The following FOXK1 variants were observed in gnomAD, a reference collection of about 807,000 sequenced individuals.
The protein encoded by FOXK1 is forkhead box K1.
FOXK1 carries 19 observed loss-of-function variants against 51.9 expected under a neutral mutation model. The observed-to-expected ratio is 0.37, with a 90% CI of 0.26 to 0.54. The LOEUF is 0.54. FOXK1 is among the 20% of genes least tolerant of loss of function. The pLI is 0.87. For synonymous variants in FOXK1, 537 were observed against 482.6 expected, an observed-to-expected ratio of 1.11 and a Z score of -1.48; for missense variants, 870 against 1,032.7, an observed-to-expected ratio of 0.84 and a Z score of 2.16.
In FOXK1 at chr7:4,745,174, T is replaced by A. The variant is rs902067682; in HGVS notation, c.746+4151T>A. On this transcript the variant is annotated intron_variant, in intron 2 of 8. Coordinates refer to ENST00000328914, the MANE Select transcript of FOXK1 (RefSeq NM_001037165.2). This position sits in a 1 kb window ranked among gnomAD's most constrained non-coding sequence, Gnocchi z 4.3. ...CAGAAGAGCTGGCTGCCTGCAAGGC[T>A]GTCCCCTCCCAGTGCCGCCCCGCCC... Among the ~76,000 whole-genome samples the A allele has an allele frequency of 6.6e-6, 1 of 152,252 alleles. No homozygotes were observed. Among genetic ancestry groups the A allele is most frequent in the Non-Finnish European group, 1.5e-5 (1 of 68,046 alleles).
At position 4,771,018 on chromosome 7, in the gene FOXK1, G is replaced by A. The variant is rs1414068583; in HGVS notation, c.*8554G>A. The A allele has an allele frequency of 6.6e-6, 1 of 152,408 alleles. No homozygotes were observed. The highest frequency in any genetic ancestry group is 1.5e-5 in the Non-Finnish European group (1 of 68,038). The allele number at this position is 152,408 out of a possible 1,614,324, so 9.4% of individuals were successfully genotyped here. On this transcript the variant is annotated 3_prime_UTR_variant, in exon 9 of 9. Transcript: ENST00000328914. ...TGGAAATGTCAGTTCTAGAGCATTG[G>A]ATGTGAAGTTCTGGTCATGTCACCT... is the stretch of plus-strand genomic sequence containing the variant.
rs1780750232 is a variant in FOXK1 at position 4,749,698 on chromosome 7, G to A, written c.747-4761G>A. On this transcript the variant is annotated intron_variant, in intron 2 of 8. Coordinates refer to ENST00000328914, the MANE Select transcript of FOXK1 (RefSeq NM_001037165.2). The surrounding 1 kb of genome is among the most constrained non-coding windows in gnomAD (Gnocchi z 6.0). Reference sequence around the variant, plus strand: ...ACTGTCCCGACCCTAGGCCTCTCAGGGTGGCCTTCTCAGCCTCAGAGCAGA... The same window carrying A: ...ACTGTCCCGACCCTAGGCCTCTCAGAGTGGCCTTCTCAGCCTCAGAGCAGA... 6.6e-6 allele frequency among the ~76,000 whole-genome samples: 1 copy of A among 152,192 alleles called. No homozygotes were observed. Among genetic ancestry groups the A allele is most frequent in the African/African-American group, 2.4e-5 (1 of 41,456 alleles).
intron 1 of FOXK1, among the ~76,000 whole-genome samples, chr7:4,685,772 G>T (rs189467129): frequency 6.6e-6 from 1 of 151,768 alleles, no homozygotes; most frequent in Non-Finnish European, 1.5e-5. Context: ...GCAAAACCCT[G>T]TCTCTACTAA....
chr7:4,760,369 C>T (rs974068837), intron 7 of FOXK1, among the ~76,000 whole-genome samples: 3 of 152,170 alleles, frequency 2.0e-5, no homozygotes, highest in Admixed American at 6.5e-5. Context: ...AGTTAGGCAG[C>T]GCCCTCCTAG....
intron 1 of FOXK1, among the ~76,000 whole-genome samples, chr7:4,724,906 G>T (rs1562379712): frequency 6.6e-6 from 1 of 152,240 alleles, no homozygotes; most frequent in Non-Finnish European, 1.5e-5. Context: ...CTGGCCCCCA[G>T]CTGCAAGGGG....
At position 4,759,308 on chromosome 7, in the gene FOXK1, C is replaced by T. The variant is rs756506614; in HGVS notation, c.1412-3C>T. ...CACCGTCCGCTCTCCGCCCTCCGTGCAGGCTCCCCCGTCAGCGCCCAGCCA... is the reference window on the plus strand; with the variant it reads ...CACCGTCCGCTCTCCGCCCTCCGTGTAGGCTCCCCCGTCAGCGCCCAGCCA... On this transcript the variant is annotated splice_region_variant and splice_polypyrimidine_tract_variant and intron_variant, in intron 6 of 8. Transcript: ENST00000328914. 2 of 1,600,714 alleles carry T rather than the reference C, an allele frequency of 1.2e-6. No individual in the cohort carries two copies. The highest frequency in any genetic ancestry group is 1.7e-5 in the Admixed American group (1 of 59,772).
intron 1 of FOXK1, among the ~76,000 whole-genome samples, chr7:4,737,469 T>C (rs769109581): frequency 2.0e-5 from 3 of 150,808 alleles, no homozygotes; most frequent in Non-Finnish European, 4.4e-5. Flanking sequence ...TGCATGTGTG[T>C]GTGTGCGTGG....
chr7:4,710,973 G>C (rs1780167189), intron 1 of FOXK1, among the ~76,000 whole-genome samples: 1 of 152,202 alleles, frequency 6.6e-6, no homozygotes, highest in Non-Finnish European at 1.5e-5. Context: ...CACCGTCCTA[G>C]CCACTGGGTT....
In FOXK1 at chr7:4,761,790, A is replaced by C. The variant is rs901970489; in HGVS notation, c.1922-394A>C. 6.6e-6 allele frequency among the ~76,000 whole-genome samples: 1 copy of C among 152,106 alleles called. No homozygotes were observed. The highest frequency in any genetic ancestry group is 2.4e-5 in the African/African-American group (1 of 41,404). On this transcript the variant is annotated intron_variant, in intron 8 of 8. Transcript: ENST00000328914. The surrounding 1 kb of genome is among the most constrained non-coding windows in gnomAD (Gnocchi z 6.2). ...CTCACACTCCATGGGGTGAGGCAAG[A>C]GGTCAAAGGAAGGAGGAGAGTTGGG... is the stretch of plus-strand genomic sequence containing the variant.
chr7:4,684,857 A>G (rs960749015), intron 1 of FOXK1, among the ~76,000 whole-genome samples: 1 of 152,114 alleles, frequency 6.6e-6, no homozygotes, highest in African/African-American at 2.4e-5. Context: ...TCAAGGGGAA[A>G]AAATTTCAAC....
chr7:4,761,072 G>A lies in FOXK1; in HGVS notation c.1705G>A (p.Glu569Lys). The A allele has an allele frequency of 1.2e-6, 2 of 1,611,672 alleles. No homozygotes were observed. Among genetic ancestry groups the A allele is most frequent in the Non-Finnish European group, 1.7e-6 (2 of 1,178,766 alleles). Residue 569 changes from glutamate to lysine, a missense_variant, in exon 8 of 9, where the codon GAG becomes AAG. Glu to Lys is a moderately conservative substitution (Grantham distance 56). Around this residue, in one of 3 missense-constraint regions of FOXK1, gnomAD observed 457 missense variants for 510.8 expected, o/e 0.89. Transcript: ENST00000328914. The surrounding 1 kb of genome is among the most constrained non-coding windows in gnomAD (Gnocchi z 6.2). Reference protein sequence around the residue: ...DLGSEARGLEEKPTIAFATIP... With the variant: ...DLGSEARGLEKKPTIAFATIP... Reference sequence around the variant, plus strand: ...TGGTTCCTGTCCCGCAGGCCTGGAGGAGAAACCCACCATTGCGTTTGCCAC... The same window carrying A: ...TGGTTCCTGTCCCGCAGGCCTGGAGAAGAAACCCACCATTGCGTTTGCCAC...
chr7:4,695,661 G>T (rs966414548), intron 1 of FOXK1, among the ~76,000 whole-genome samples: 2 of 152,226 alleles, frequency 1.3e-5, no homozygotes, highest in African/African-American at 4.8e-5. Flanking sequence ...AATTAGCCAG[G>T]CGTGGTGGCT....
At chr7:4,739,391 C>T (rs1178416707) in intron 1 of FOXK1, among the ~76,000 whole-genome samples, 2 of 152,170 alleles carry the variant, frequency 1.3e-5, no homozygotes, top group African/African-American at 4.8e-5. Context: ...CAGGCTGCTG[C>T]TTTACATTGT....
At chr7:4,728,987 C>A (rs1426742891) in intron 1 of FOXK1, among the ~76,000 whole-genome samples, 2 of 152,112 alleles carry the variant, frequency 1.3e-5, no homozygotes, top group Non-Finnish European at 2.9e-5. Context: ...TTTTGACTTC[C>A]CAGAAGCATT....
chr7:4,740,653 C>A (rs1354350894), intron 1 of FOXK1, among the ~76,000 whole-genome samples, 185 bp from the exon 2 acceptor site: 1 of 152,026 alleles, frequency 6.6e-6, no homozygotes, highest in Non-Finnish European at 1.5e-5. Context: ...AGACAAGTGA[C>A]TTCCAAATAA....
rs1432787449 is a variant in FOXK1, at chr7:4,733,478, G to A, written c.561-7360G>A. On this transcript the variant is annotated intron_variant, in intron 1 of 8. Transcript: ENST00000328914. The surrounding 1 kb of genome is among the most constrained non-coding windows in gnomAD (Gnocchi z 5.0). ...CAGCAGTATCTGGCTGTTGGGAAGG[G>A]GAGGAGTGAAGAAGGCCCTTGGTTC... 3.5e-4 allele frequency among the ~76,000 whole-genome samples: 53 copies of A among 152,228 alleles called. No individual in the cohort carries two copies. Among genetic ancestry groups the A allele is most frequent in the Admixed American group, 3.5e-3 (53 of 15,282 alleles).
intron 5 of FOXK1, chr7:4,757,928 A>T (rs1182390354): frequency 6.6e-6 from 1 of 152,132 alleles, no homozygotes; most frequent in Non-Finnish European, 1.5e-5. Context: ...GTTTTGAGAG[A>T]ATATCTCAGG....
chr7:4,714,695 G>A lies in FOXK1; in HGVS notation c.561-26143G>A, dbSNP rs572304438. Among the ~76,000 whole-genome samples the A allele has an allele frequency of 6.6e-5, 10 of 152,310 alleles. No homozygotes were observed. The East Asian group carries it at 1.3e-3, about 21-fold the overall frequency. On this transcript the variant is annotated intron_variant, in intron 1 of 8. Transcript: ENST00000328914. ...GCTCATCTTAAGGATTTTGGCTTAC[G>A]TATTTTCTAAGTAGGCGTTACATTC...
chr7:4,695,604 C>G (rs1329997067), intron 1 of FOXK1, among the ~76,000 whole-genome samples: 1 of 152,026 alleles, frequency 6.6e-6, no homozygotes. Flanking sequence ...GAGTTCGACA[C>G]CACCCTGGCC....
Sources: gnomAD v4.1 joint callset for allele counts (sites outside exome capture counted in the v4.1 genomes callset) on GRCh38, gnomAD v4.1.1 for gene constraint, gnomAD v4.1.1 regional missense constraint, Gnocchi (gnomAD v3.1) non-coding constraint, MANE v1.5 for transcripts, NCBI Gene and HGNC (gene_info 2026-07-23, HGNC 2026-07-21) for gene names.